SLC22A15: variants seen among roughly 807,000 people sequenced by gnomAD.
SLC22A15 encodes the protein flipt 1.
SLC22A15 carries 45 observed loss-of-function variants against 62.7 expected under a neutral mutation model. The ratio of observed to expected loss-of-function variants is 0.72; its 90% CI spans 0.56 to 0.92. SLC22A15 has a LOEUF of 0.92. SLC22A15 is among the 40% of genes least tolerant of loss of function. The pLI, the probability that SLC22A15 is intolerant of heterozygous loss-of-function variation, is 0.00. For missense variants in SLC22A15, 622 were observed against 665.6 expected, an observed-to-expected ratio of 0.93 and a Z score of 0.72; for synonymous variants, 264 against 267.0, an observed-to-expected ratio of 0.99 and a Z score of 0.11.
intron 8 of SLC22A15, among the ~76,000 whole-genome samples, chr1:116,047,652 C>T (rs1314839823): frequency 6.6e-6 from 1 of 152,098 alleles, no homozygotes; most frequent in Admixed American, 6.6e-5. Flanking sequence ...CAGTTTGGTT[C>T]ACAGGAAGCC....
intron 6 of SLC22A15, among the ~76,000 whole-genome samples, chr1:116,033,975 C>T (rs555388678): frequency 4.8e-4 from 73 of 152,290 alleles, no homozygotes; most frequent in African/African-American, 1.7e-3. Context: ...TCTCTTCTTA[C>T]ATTACTACAG....
chr1:115,981,797 G>C (rs1422458669), intron 1 of SLC22A15, among the ~76,000 whole-genome samples: 3 of 152,178 alleles, frequency 2.0e-5, no homozygotes, highest in Non-Finnish European at 2.9e-5. Context: ...ATCCCTGGCT[G>C]TTTGACTTGT....
chr1:116,036,355 T>C (rs910286712), intron 7 of SLC22A15, among the ~76,000 whole-genome samples: 3 of 152,178 alleles, frequency 2.0e-5, no homozygotes, highest in African/African-American at 4.8e-5. Flanking sequence ...GGTGCTTGCC[T>C]AGCATGGTGT....
Position 116,056,730 on chromosome 1 carries a change from A to G in SLC22A15, c.1172-6032A>G, listed in dbSNP as rs140236699. Among the ~76,000 whole-genome samples the G allele has an allele frequency of 3.7e-3, 568 of 152,306 alleles. 1 individual carries two copies. The highest frequency in any genetic ancestry group is 0.013 in the African/African-American group (534 of 41,552). On this transcript the variant is annotated intron_variant, in intron 8 of 11. Transcript: ENST00000369503. ...GAGATATAGATCAATGGAACAGAAC[A>G]AAGCCCTCAGATGTAACGCCGCATA...
chr1:116,041,589 A>G (rs1011597696), intron 8 of SLC22A15, among the ~76,000 whole-genome samples: 1 of 152,230 alleles, frequency 6.6e-6, no homozygotes, highest in African/African-American at 2.4e-5. Flanking sequence ...ATGGTTGCCA[A>G]ACCACAGTGC....
intron 8 of SLC22A15, among the ~76,000 whole-genome samples, chr1:116,041,116 G>A (rs865898406): frequency 6.6e-5 from 10 of 152,292 alleles, no homozygotes; most frequent in Middle Eastern, 3.4e-3. Context: ...AATCTGAACA[G>A]TAGGAGATCA....
chr1:115,980,700 T>G (rs1163457838), intron 1 of SLC22A15, among the ~76,000 whole-genome samples: 1 of 152,062 alleles, frequency 6.6e-6, no homozygotes, highest in Admixed American at 6.6e-5. Context: ...CCACACCCAA[T>G]TCATGAGATT....
chr1:116,016,394 T>G (rs72689469), intron 2 of SLC22A15, among the ~76,000 whole-genome samples: 4,628 of 144,286 alleles, frequency 0.032, 102 homozygotes, highest in Non-Finnish European at 0.047. Context: ...ACCCAGCTAA[T>G]TTTTGTGTGT....
rs181269148 is a variant in SLC22A15, at chr1:115,999,756, C to T, written c.300+7513C>T. On this transcript the variant is annotated intron_variant, in intron 2 of 11. Transcript: ENST00000369503. Reference sequence around the variant, plus strand: ...TGAGCTCAGGCAGTCTGCCTGCCTCCACCCCGCAAAGTGCTAGGATTACAG... The same window carrying T: ...TGAGCTCAGGCAGTCTGCCTGCCTCTACCCCGCAAAGTGCTAGGATTACAG... Among the ~76,000 whole-genome samples, 116 of 152,200 alleles carry T rather than the reference C, an allele frequency of 7.6e-4. 1 individual carries two copies. The highest frequency in any genetic ancestry group is 7.5e-3 in the Admixed American group (114 of 15,290).
chr1:116,009,774 T>C lies in SLC22A15; in HGVS notation c.301-9808T>C, dbSNP rs1401556158. Among the ~76,000 whole-genome samples the C allele has an allele frequency of 2.0e-5, 3 of 152,170 alleles. No homozygotes were observed. The East Asian group carries it at 5.8e-4, about 29-fold the overall frequency. ...GTGAATATCCTTAATATATAATCTG[T>C]GGTATATAGGTAATGTTTGGTTCAT... On this transcript the variant is annotated intron_variant, in intron 2 of 11. Transcript: ENST00000369503.
chr1:115,992,777 A>G (rs1655217894), intron 2 of SLC22A15, among the ~76,000 whole-genome samples: 2 of 148,936 alleles, frequency 1.3e-5, no homozygotes, highest in Non-Finnish European at 3.0e-5. Context: ...ACCCACCACC[A>G]TGCCTGGCTA....
intron 8 of SLC22A15, among the ~76,000 whole-genome samples, chr1:116,054,334 C>G (rs1023027406): frequency 1.3e-5 from 2 of 151,792 alleles, no homozygotes; most frequent in Middle Eastern, 3.4e-3. Flanking sequence ...GTAAAGGGAT[C>G]AATTCAACAA....
chr1:116,031,321 C>T lies in SLC22A15; in HGVS notation c.729-45C>T, dbSNP rs184523012. ...AGGTGATTTGTCTCCTTCCTGTGCA[C>T]GTGTACCTATATGAATATACAGGCT... On this transcript the variant is annotated intron_variant, in intron 5 of 11. Transcript: ENST00000369503. The T allele has an allele frequency of 1.9e-3, 2,718 of 1,433,704 alleles. 8 individuals carry two copies. The highest frequency in any genetic ancestry group is 3.9e-3 in the Admixed American group (210 of 53,258). The allele number at this position is 1,433,704 out of a possible 1,614,324, so 88.8% of individuals were successfully genotyped here.
chr1:115,997,250 G>A (rs1655475093), intron 2 of SLC22A15, among the ~76,000 whole-genome samples: 1 of 152,058 alleles, frequency 6.6e-6, no homozygotes, highest in Non-Finnish European at 1.5e-5. Flanking sequence ...TGTTGTTGTT[G>A]TTGTTGTTGC....
intron 10 of SLC22A15, among the ~76,000 whole-genome samples, chr1:116,065,339 A>G (rs755276798): frequency 6.6e-6 from 1 of 152,108 alleles, no homozygotes; most frequent in Non-Finnish European, 1.5e-5. Flanking sequence ...CTCATGATTA[A>G]TTTTAGTTCA....
intron 2 of SLC22A15, among the ~76,000 whole-genome samples, chr1:116,004,222 C>T (rs536514717): frequency 6.6e-6 from 1 of 152,252 alleles, no homozygotes; most frequent in East Asian, 1.9e-4. Flanking sequence ...CGTGTTGTCT[C>T]AGTGATTGGT....
chr1:116,046,357 A>G (rs975006017), intron 8 of SLC22A15, among the ~76,000 whole-genome samples: 15 of 152,242 alleles, frequency 9.9e-5, no homozygotes, highest in African/African-American at 3.6e-4. Flanking sequence ...TGTATCTGAT[A>G]AAAGACTTGT....
intron 8 of SLC22A15, among the ~76,000 whole-genome samples, chr1:116,056,753 A>C (rs950179714): frequency 6.6e-6 from 1 of 152,254 alleles, no homozygotes; most frequent in Non-Finnish European, 1.5e-5. Flanking sequence ...GTAACGCCGC[A>C]TATCTACAAC....
chr1:116,027,767 A>C (rs932446405), intron 5 of SLC22A15, among the ~76,000 whole-genome samples: 4 of 152,076 alleles, frequency 2.6e-5, no homozygotes, highest in Non-Finnish European at 4.4e-5. Context: ...CTGGGATCAC[A>C]GGCATGCGCC....
Sources: gnomAD v4.1 joint callset for allele counts (sites outside exome capture counted in the v4.1 genomes callset) on GRCh38, gnomAD v4.1.1 for gene constraint, MANE v1.5 for transcripts, NCBI Gene and HGNC (gene_info 2026-07-23, HGNC 2026-07-21) for gene names.